The following ZNF385D variants were observed in gnomAD, a reference collection of about 807,000 sequenced individuals.
The protein encoded by ZNF385D is zinc finger protein 659.
ZNF385D carries 15 observed loss-of-function variants against 35.8 expected under a neutral mutation model. The observed-to-expected ratio is 0.42, with a 90% CI of 0.28 to 0.64. The LOEUF is 0.64. ZNF385D is among the 30% of genes least tolerant of loss of function. The pLI is 0.23. For synonymous variants in ZNF385D, 212 were observed against 186.8 expected (o/e 1.13, Z -1.10); for missense variants, 474 against 494.6 (o/e 0.96, Z 0.39).
intron 3 of ZNF385D, among the ~76,000 whole-genome samples, chr3:22,048,841 G>A (rs983826970): frequency 9.9e-5 from 15 of 152,104 alleles, no homozygotes; most frequent in South Asian, 2.1e-4. Context: ...TGGATAGTAC[G>A]GACAATAATA....
intron 2 of ZNF385D, among the ~76,000 whole-genome samples, chr3:21,572,779 A>T (rs1035829413): frequency 7.9e-5 from 12 of 152,192 alleles, no homozygotes; most frequent in Non-Finnish European, 1.5e-4. Flanking sequence ...AACATGGCTC[A>T]AAGGGTCTTT....
chr3:22,014,063 A>T (rs1696733139), intron 3 of ZNF385D, among the ~76,000 whole-genome samples: 1 of 152,160 alleles, frequency 6.6e-6, no homozygotes, highest in African/African-American at 2.4e-5. Flanking sequence ...ATGGGAAGAA[A>T]TCTTTGAGGA....
At chr3:22,370,220 G>T (rs1696839824) in intron 2 of ZNF385D, among the ~76,000 whole-genome samples, 1 of 152,122 alleles carries the variant, frequency 6.6e-6, no homozygotes, top group Non-Finnish European at 1.5e-5. Context: ...CTGAAATATG[G>T]AAGTGTTCAT....
chr3:21,911,844 A>G (rs1699978849), intron 3 of ZNF385D, among the ~76,000 whole-genome samples: 1 of 151,958 alleles, frequency 6.6e-6, no homozygotes, highest in Non-Finnish European at 1.5e-5. Flanking sequence ...TTATAAGACA[A>G]ATATTTACAA....
intron 3 of ZNF385D, among the ~76,000 whole-genome samples, chr3:22,128,521 T>A (rs71620693): frequency 1.3e-5 from 2 of 152,006 alleles, no homozygotes; most frequent in East Asian, 1.9e-4. Flanking sequence ...ATGTTTGCAC[T>A]TTTTAGGCTA....
At chr3:22,114,498 T>C (rs186408702) in intron 3 of ZNF385D, among the ~76,000 whole-genome samples, 107 of 152,176 alleles carry the variant, frequency 7.0e-4, no homozygotes, top group African/African-American at 2.4e-3. Flanking sequence ...AGTAGTTTAT[T>C]TGGGAAGTGA....
chr3:22,156,745 T>TA (rs1429016524), intron 3 of ZNF385D, among the ~76,000 whole-genome samples: 1 of 152,074 alleles, frequency 6.6e-6, no homozygotes, highest in Non-Finnish European at 1.5e-5. Flanking sequence ...TATTTCTAAC[T>TA]AAATGTTACT....
intron 3 of ZNF385D, among the ~76,000 whole-genome samples, chr3:21,945,002 C>T (rs71310296): frequency 0.12 from 17,481 of 151,914 alleles, 1,336 homozygotes; most frequent in South Asian, 0.26. Context: ...ATTTGAAATT[C>T]TTATTTTCGA....
At chr3:22,335,150 T>C (rs1182513349) in intron 2 of ZNF385D, among the ~76,000 whole-genome samples, 3 of 152,176 alleles carry the variant, frequency 2.0e-5, no homozygotes, top group Non-Finnish European at 4.4e-5. Flanking sequence ...AAGCAGCCCT[T>C]ATCTATGTGT....
At chr3:21,685,449 CA>C (rs892784222) in intron 1 of ZNF385D, among the ~76,000 whole-genome samples, 1 of 152,192 alleles carries the variant, frequency 6.6e-6, no homozygotes, top group Non-Finnish European at 1.5e-5. Context: ...ATTTGATATT[CA>C]AATCTCTACA....
At chr3:22,353,239 A>T (rs1279073049) in intron 2 of ZNF385D, among the ~76,000 whole-genome samples, 1 of 151,832 alleles carries the variant, frequency 6.6e-6, no homozygotes, top group Non-Finnish European at 1.5e-5. Flanking sequence ...CTATTAGAAA[A>T]ATGGGGCCAT....
At chr3:21,518,696 C>G (rs1405478775) in intron 3 of ZNF385D, among the ~76,000 whole-genome samples, 2 of 152,060 alleles carry the variant, frequency 1.3e-5, no homozygotes, top group East Asian at 1.9e-4. Context: ...ACCTAGCCAA[C>G]AGGCAAACAG....
chr3:21,558,434 GGTT>G (rs376941310), intron 3 of ZNF385D, among the ~76,000 whole-genome samples: 201 of 152,202 alleles, frequency 1.3e-3, no homozygotes, highest in African/African-American at 4.6e-3. Context: ...TTCAGGAGCA[GGTT>G]GTTCAGTTTC....
At chr3:22,237,570 A>G (rs1425552072) in intron 2 of ZNF385D, among the ~76,000 whole-genome samples, 1 of 152,186 alleles carries the variant, frequency 6.6e-6, no homozygotes, top group East Asian at 1.9e-4. Flanking sequence ...TAAGAAACTA[A>G]TGCCTAATTC....
At chr3:21,801,272 A>G (rs2072386931) in intron 3 of ZNF385D, among the ~76,000 whole-genome samples, 1 of 152,116 alleles carries the variant, frequency 6.6e-6, no homozygotes. Flanking sequence ...CATTAGACAT[A>G]TTAGTCTATA....
chr3:22,124,674 G>A (rs1380276427), intron 3 of ZNF385D, among the ~76,000 whole-genome samples: 2 of 152,094 alleles, frequency 1.3e-5, no homozygotes, highest in African/African-American at 4.8e-5. Flanking sequence ...GATCAATGAT[G>A]CTGATCATAT....
intron 2 of ZNF385D, among the ~76,000 whole-genome samples, chr3:22,355,442 G>GA (rs1351625158): frequency 6.6e-6 from 1 of 151,760 alleles, no homozygotes; most frequent in Non-Finnish European, 1.5e-5. Flanking sequence ...TCAGACCTAG[G>GA]AAAATAACAA....
chr3:21,909,956 A>G (rs1367791049), intron 3 of ZNF385D, among the ~76,000 whole-genome samples: 2 of 152,056 alleles, frequency 1.3e-5, no homozygotes, highest in Non-Finnish European at 2.9e-5. Flanking sequence ...AACATTGACA[A>G]TTCACAAACA....
chr3:22,174,427 A>C (rs968429500), intron 2 of ZNF385D, among the ~76,000 whole-genome samples: 1 of 152,198 alleles, frequency 6.6e-6, no homozygotes, highest in Non-Finnish European at 1.5e-5. Flanking sequence ...TTTAGTGCAC[A>C]ATAAACCACA....
Sources: allele counts gnomAD v4.1 joint callset (sites outside exome capture counted in the v4.1 genomes callset), GRCh38; gene constraint gnomAD v4.1.1; transcripts MANE v1.5; gene names NCBI Gene and HGNC (gene_info 2026-07-23, HGNC 2026-07-21).